Variants in NFKB1 observed in about 807,000 individuals in gnomAD.
NFKB1 encodes nuclear factor kappa B subunit 1.
NFKB1 carries 9 observed loss-of-function variants against 105.1 expected under a neutral mutation model. The observed-to-expected ratio is 0.09, with a 90% confidence interval of 0.05 to 0.15. The LOEUF is 0.15. NFKB1 is among the 10% of genes least tolerant of loss of function. The pLI is 1.00. For missense variants in NFKB1, 830 were observed against 1,203.7 expected, an observed-to-expected ratio of 0.69 and a Z score of 4.59; for synonymous variants, 440 against 442.2, an observed-to-expected ratio of 1.00 and a Z score of 0.06.
intron 1 of NFKB1, among the ~76,000 whole-genome samples, chr4:102,514,474 A>C (rs2149101313): frequency 6.6e-6 from 1 of 152,282 alleles, no homozygotes; most frequent in Non-Finnish European, 1.5e-5. Context: ...CGGACACAGC[A>C]TTCCTCCCCT....
intron 23 of NFKB1, among the ~76,000 whole-genome samples, chr4:102,614,612 C>T (rs1200344308): frequency 1.3e-5 from 2 of 152,112 alleles, no homozygotes; most frequent in African/African-American, 4.8e-5. Context: ...CCCACCGCTC[C>T]ACCAGGCCTG....
At chr4:102,597,413 T>C (rs997580846) in intron 14 of NFKB1, 107 bp from the exon 15 acceptor site, 4 of 1,144,580 alleles carry the variant, frequency 3.5e-6, no homozygotes, top group Non-Finnish European at 2.4e-6. Flanking sequence ...TAAAATGATA[T>C]GTCAAGGTGT....
At chr4:102,528,416 C>T (rs893857680) in intron 2 of NFKB1, among the ~76,000 whole-genome samples, 1 of 151,992 alleles carries the variant, frequency 6.6e-6, no homozygotes, top group African/African-American at 2.4e-5. Flanking sequence ...AATTTGCATC[C>T]CTCAAATGGA....
chr4:102,545,388 A>G (rs1335461153), intron 5 of NFKB1, among the ~76,000 whole-genome samples: 1 of 152,104 alleles, frequency 6.6e-6, no homozygotes, highest in Non-Finnish European at 1.5e-5. Flanking sequence ...GATTATAATA[A>G]TGGCTTGATG....
chr4:102,534,248 T>C (rs1222029127), intron 4 of NFKB1, among the ~76,000 whole-genome samples: 2 of 152,214 alleles, frequency 1.3e-5, no homozygotes, highest in African/African-American at 4.8e-5. Context: ...ACAGTTCACA[T>C]GCACTGAGCG....
intron 5 of NFKB1, among the ~76,000 whole-genome samples, chr4:102,547,669 A>G (rs898126130): frequency 1.3e-5 from 2 of 152,218 alleles, no homozygotes; most frequent in African/African-American, 2.4e-5. Context: ...CTATTTTTAT[A>G]TAACCAAATA....
chr4:102,615,028 T>C (rs1728812931), intron 23 of NFKB1, among the ~76,000 whole-genome samples: 1 of 152,142 alleles, frequency 6.6e-6, no homozygotes, highest in Non-Finnish European at 1.5e-5. Flanking sequence ...CCTGCCCAAA[T>C]TCTTGCACGG....
At chr4:102,567,521 A>T (rs942539915) in intron 6 of NFKB1, among the ~76,000 whole-genome samples, 1 of 152,180 alleles carries the variant, frequency 6.6e-6, no homozygotes, top group African/African-American at 2.4e-5. Flanking sequence ...TCATCACTTT[A>T]TGTATATTTT....
In NFKB1 at chr4:102,557,115, A is replaced by G. The variant is rs921394251; in HGVS notation, c.259-9872A>G. The G allele has an allele frequency of 2.0e-5, 3 of 152,232 alleles. No individual in the cohort carries two copies. In the East Asian group the frequency reaches 5.8e-4, roughly 29 times the overall value. 9.4% of individuals were successfully genotyped at this position (152,232 alleles called of 1,614,324 possible). ...GATGTTTTGAGCCTCAGTGACAGTA[A>G]GGAGAAGAGAGAGTGAAGGAACTTG... On this transcript the variant is annotated intron_variant, in intron 5 of 23. Transcript: ENST00000226574.
intron 13 of NFKB1, among the ~76,000 whole-genome samples, chr4:102,595,731 C>T (rs1172252118): frequency 6.6e-6 from 1 of 152,188 alleles, no homozygotes; most frequent in Non-Finnish European, 1.5e-5. Flanking sequence ...AGGAATGGTA[C>T]ACTGGATAAC....
At chr4:102,540,407 TG>T in intron 5 of NFKB1, among the ~76,000 whole-genome samples, 1 of 152,300 alleles carries the variant, frequency 6.6e-6, no homozygotes, top group Admixed American at 6.5e-5. Flanking sequence ...AACAACTTAG[TG>T]GGCATTAGAT....
At chr4:102,594,786 C>T (rs1200857826) in intron 12 of NFKB1, 106 bp from the exon 13 acceptor site, 20 of 725,444 alleles carry the variant, frequency 2.8e-5, no homozygotes, top group Non-Finnish European at 4.8e-5. Flanking sequence ...ACAATACTGT[C>T]CTGTCACACC....
chr4:102,515,111 T>TATTA (rs1560632615), intron 1 of NFKB1, among the ~76,000 whole-genome samples: 21 of 128,878 alleles, frequency 1.6e-4, no homozygotes, highest in African/African-American at 6.1e-4. Flanking sequence ...ATTATTATTT[T>TATTA]TTTTTTTTTT....
chr4:102,577,133 C>G, intron 7 of NFKB1, 94 bp downstream of exon 7: 1 of 1,285,538 alleles, frequency 7.8e-7, no homozygotes, highest in Non-Finnish European at 1.1e-6. Context: ...CCCTTCCAGT[C>G]TCTACCCCAC....
At chr4:102,538,001 TGATTTCCTAC>T in intron 5 of NFKB1, 45 bp downstream of exon 5, 1 of 1,230,590 alleles carries the variant, frequency 8.1e-7, no homozygotes, top group South Asian at 1.2e-5. Context: ...CTGGAAATTT[TGATTTCCTAC>T]GATTTCCAAG....
chr4:102,595,185 A>G (rs1726505599), intron 13 of NFKB1, among the ~76,000 whole-genome samples: 1 of 152,178 alleles, frequency 6.6e-6, no homozygotes, highest in African/African-American at 2.4e-5. Context: ...TATTTTATAT[A>G]TTTACTTTGT....
Position 102,597,528 on chromosome 4 carries a change from T to C in NFKB1, c.1504T>C (p.Phe502Leu), listed in dbSNP as rs1333934885. Residue 502 changes from phenylalanine (F) to leucine (L), a missense_variant, in exon 15 of 24, where the codon TTT becomes CTT. By Grantham distance (22) the Phe-to-Leu change is conservative (BLOSUM62 0). Coordinates refer to ENST00000226574, the MANE Select transcript of NFKB1 (RefSeq NM_003998.4). ...TGGTCATTGCCTTACAGATAACCTC[T>C]TTCTAGAGAAGGCTATGCAGCTTGC... ...EESAGVQDNL[F>L]LEKAMQLAKR... The C allele has an allele frequency of 6.2e-7, 1 of 1,611,368 alleles. No individual in the cohort carries two copies. Among genetic ancestry groups the C allele is most frequent in the East Asian group, 2.2e-5 (1 of 44,814 alleles).
At chr4:102,593,714 T>C in intron 12 of NFKB1, 146 bp downstream of exon 12, 1 of 804,260 alleles carries the variant, frequency 1.2e-6, no homozygotes, top group Non-Finnish European at 1.7e-6. Context: ...AATGTAAATT[T>C]ATTTTTCAAA....
intron 5 of NFKB1, among the ~76,000 whole-genome samples, chr4:102,559,106 A>C (rs1723202015): frequency 6.6e-6 from 1 of 152,130 alleles, no homozygotes. Context: ...AAGATTGCTC[A>C]CCTGGCAAGT....
Sources: allele counts gnomAD v4.1 joint callset (sites outside exome capture counted in the v4.1 genomes callset), GRCh38; gene constraint gnomAD v4.1.1; transcripts MANE v1.5; gene names NCBI Gene and HGNC (gene_info 2026-07-23, HGNC 2026-07-21).